The following PDS5B variants were observed in gnomAD, a reference collection of about 807,000 sequenced individuals.
PDS5B encodes PDS5 cohesin associated factor B.
In PDS5B, 51 loss-of-function variants were observed where a neutral mutation model predicts 184.1. The observed-to-expected ratio is 0.28, with a 90% CI of 0.22 to 0.35. PDS5B has a LOEUF of 0.35. Ranked by LOEUF, PDS5B falls within the 10% of genes least tolerant of loss-of-function variation. The pLI is 1.00. For synonymous variants in PDS5B, 566 were observed against 569.2 expected (o/e 0.99, Z 0.08); for missense variants, 1,180 against 1,723.3 (o/e 0.68, Z 5.58).
At chr13:32,621,805 A>G (rs2140537780) in intron 1 of PDS5B, among the ~76,000 whole-genome samples, 1 of 152,268 alleles carries the variant, frequency 6.6e-6, no homozygotes, top group African/African-American at 2.4e-5. Flanking sequence ...AGCCACACCT[A>G]ATCATATTGT....
chr13:32,683,646 T>C (rs552671549), intron 10 of PDS5B, among the ~76,000 whole-genome samples: 1 of 152,292 alleles, frequency 6.6e-6, no homozygotes, highest in East Asian at 1.9e-4. Flanking sequence ...AATCAAGTTA[T>C]CAATCTACCA....
At chr13:32,603,028 C>T (rs1412956718) in intron 1 of PDS5B, among the ~76,000 whole-genome samples, 1 of 152,182 alleles carries the variant, frequency 6.6e-6, no homozygotes, top group South Asian at 2.1e-4. Context: ...TAAAAACTTT[C>T]TCCCATTCTG....
intron 1 of PDS5B, among the ~76,000 whole-genome samples, chr13:32,607,588 G>T (rs183564440): frequency 6.6e-6 from 1 of 152,238 alleles, no homozygotes; most frequent in Non-Finnish European, 1.5e-5. Flanking sequence ...CTTCAAAGCT[G>T]TCAGACAGGG....
At chr13:32,772,040 C>G (rs528719431) in intron 33 of PDS5B, among the ~76,000 whole-genome samples, 1 of 151,886 alleles carries the variant, frequency 6.6e-6, no homozygotes, top group East Asian at 1.9e-4. Flanking sequence ...AGCTAGTATA[C>G]TAACATATGT....
chr13:32,728,137 CT>C (rs1320958854), intron 19 of PDS5B, among the ~76,000 whole-genome samples: 14 of 151,224 alleles, frequency 9.3e-5, no homozygotes, highest in Admixed American at 2.0e-4. Flanking sequence ...TATTTGTGTT[CT>C]TTTTTTATAT....
chr13:32,748,725 A>G (rs111987802), intron 24 of PDS5B, among the ~76,000 whole-genome samples: 68 of 152,006 alleles, frequency 4.5e-4, no homozygotes, highest in African/African-American at 1.4e-3. Context: ...TGTAAGTGTT[A>G]AATATAGTAG....
intron 10 of PDS5B, 47 bp downstream of exon 10, chr13:32,678,976 GA>G (rs757782097): frequency 1.8e-5 from 19 of 1,049,262 alleles, no homozygotes; most frequent in African/African-American, 1.6e-4. Context: ...CTCTTCAGTG[GA>G]AAAAAATAAG....
intron 21 of PDS5B, among the ~76,000 whole-genome samples, chr13:32,740,463 G>C (rs776447094): frequency 6.6e-6 from 1 of 152,130 alleles, no homozygotes; most frequent in Admixed American, 6.6e-5. Context: ...TACCTGTTTT[G>C]TTACCAGAGG....
At chr13:32,673,178 T>C in intron 7 of PDS5B, 38 bp from the exon 8 acceptor site, 1 of 1,575,984 alleles carries the variant, frequency 6.3e-7, no homozygotes, top group Non-Finnish European at 8.7e-7. Flanking sequence ...TTGTCTCTGG[T>C]TTTTCTACTA....
Position 32,775,232 on chromosome 13 carries a change from A to G in PDS5B, c.*180A>G, listed in dbSNP as rs1566438605. 16 of 594,118 alleles carry G rather than the reference A, an allele frequency of 2.7e-5. No homozygotes were observed. In the East Asian group the frequency reaches 4.5e-4, roughly 17 times the overall value. 36.8% of individuals were successfully genotyped at this position (594,118 alleles called of 1,614,324 possible). A position where few individuals can be genotyped will look rare whatever the true frequency, so the allele number is the denominator to read the frequency against. ...GTGGTCACATGCTTTAGCCATACAC[A>G]TGGTAACATTGACTATGGAGTCTTG... is the stretch of plus-strand genomic sequence containing the variant. On this transcript the variant is annotated 3_prime_UTR_variant, in exon 35 of 35. Coordinates refer to ENST00000315596, the MANE Select transcript of PDS5B (RefSeq NM_015032.4).
In PDS5B at chr13:32,775,097, C is replaced by CCTTT; in HGVS notation, c.*45_*46insCTTT. The CCTTT allele has an allele frequency of 2.3e-6, 2 of 862,708 alleles. No individual in the cohort carries two copies. Among genetic ancestry groups the CCTTT allele is most frequent in the Non-Finnish European group, 3.4e-6 (2 of 591,422 alleles). The allele number at this position is 862,708 out of a possible 1,614,324, so 53.4% of individuals were successfully genotyped here. On this transcript the variant is annotated 3_prime_UTR_variant, in exon 35 of 35. Coordinates refer to ENST00000315596, the MANE Select transcript of PDS5B (RefSeq NM_015032.4). ...TTCTCTGTGAAAGCTTTGGAAAAAT[C>CCTTT]TTTTTTTTTTTTTTTGGTCAAGCTT... is the stretch of plus-strand genomic sequence containing the variant.
At chr13:32,694,159 G>A in intron 13 of PDS5B, 64 bp from the exon 14 acceptor site, 3 of 1,102,180 alleles carry the variant, frequency 2.7e-6, no homozygotes, top group Non-Finnish European at 1.4e-6. Context: ...TTATATAGTA[G>A]TAATATTCTA....
intron 1 of PDS5B, among the ~76,000 whole-genome samples, chr13:32,635,280 C>G (rs2058529323): frequency 7.1e-6 from 1 of 140,920 alleles, no homozygotes; most frequent in Non-Finnish European, 1.5e-5. Context: ...TCAAGTGACC[C>G]TCCTGCCTTG....
At chr13:32,631,114 CTTTCT>C (rs2058447757) in intron 1 of PDS5B, among the ~76,000 whole-genome samples, 3 of 123,744 alleles carry the variant, frequency 2.4e-5, no homozygotes, top group Non-Finnish European at 1.8e-5. Context: ...TTCTTTTTTT[CTTTCT>C]TTTTTTTTTT....
intron 9 of PDS5B, among the ~76,000 whole-genome samples, chr13:32,676,553 G>A (rs1413330626): frequency 2.0e-5 from 3 of 152,070 alleles, no homozygotes; most frequent in Non-Finnish European, 4.4e-5. Context: ...CAAGTGCCTT[G>A]GCCGAAACCC....
In PDS5B at chr13:32,770,724, T is replaced by C; in HGVS notation, c.4135T>C (p.Ser1379Pro). 6.2e-7 allele frequency: 1 copy of C among 1,609,796 alleles called. No individual in the cohort carries two copies. The highest frequency in any genetic ancestry group is 8.5e-7 in the Non-Finnish European group (1 of 1,177,974). ...STPQKGRGRPSKTPSPSQPKK... is the reference protein window; with the variant it reads ...STPQKGRGRPPKTPSPSQPKK... ...ACCACAGAAAGGACGAGGAAGACCATCAAAAACGCCATCACCATCACAACC... is the reference window on the plus strand; with the variant it reads ...ACCACAGAAAGGACGAGGAAGACCACCAAAAACGCCATCACCATCACAACC... The change falls in exon 33 of 35, where the codon TCA (serine) becomes CCA (proline). Residue 1379 changes from serine (S) to proline (P), a missense_variant. This residue lies in a region of PDS5B where 465 missense variants were observed against 497.8 expected (regional missense o/e 0.93). Coordinates refer to ENST00000315596, the MANE Select transcript of PDS5B (RefSeq NM_015032.4).
intron 20 of PDS5B, among the ~76,000 whole-genome samples, chr13:32,733,494 T>C (rs1052797754): frequency 6.6e-6 from 1 of 152,194 alleles, no homozygotes; most frequent in Non-Finnish European, 1.5e-5. Flanking sequence ...AGATGTGCAA[T>C]GGAAGTACTG....
intron 1 of PDS5B, among the ~76,000 whole-genome samples, chr13:32,607,190 G>GT (rs2058073104): frequency 6.6e-6 from 1 of 152,166 alleles, no homozygotes; most frequent in Non-Finnish European, 1.5e-5. Flanking sequence ...CATCTTTGTG[G>GT]TTTTATCTAC....
chr13:32,710,006 G>A lies in PDS5B; in HGVS notation c.2023G>A (p.Ala675Thr). The change falls in exon 19 of 35, where the codon GCT becomes ACT. Residue 675 changes from alanine (A) to threonine (T), a missense_variant. Ala to Thr is a moderately conservative substitution (Grantham distance 58, BLOSUM62 0). Around this residue, in one of 11 missense-constraint regions of PDS5B, gnomAD observed 475 missense variants for 691.5 expected, o/e 0.69. Coordinates refer to ENST00000315596, the MANE Select transcript of PDS5B (RefSeq NM_015032.4). ...HSAETFESLL[A>T]CLKMDDEKVA... ...TGCTGAAACATTTGAATCATTACTGGCTTGTCTGAAAATGGATGATGAAAA... is the reference window on the plus strand; with the variant it reads ...TGCTGAAACATTTGAATCATTACTGACTTGTCTGAAAATGGATGATGAAAA... 1 of 1,550,844 alleles carries A rather than the reference G, an allele frequency of 6.4e-7. No homozygotes were observed. Among genetic ancestry groups the A allele is most frequent in the Non-Finnish European group, 8.8e-7 (1 of 1,137,748 alleles).
Sources: gnomAD v4.1 joint callset for allele counts (sites outside exome capture counted in the v4.1 genomes callset) on GRCh38, gnomAD v4.1.1 for gene constraint, gnomAD v4.1.1 regional missense constraint, MANE v1.5 for transcripts, NCBI Gene and HGNC (gene_info 2026-07-23, HGNC 2026-07-21) for gene names.